The following NGF variants were observed in gnomAD, a reference collection of about 807,000 sequenced individuals.
NGF encodes the protein beta-nerve growth factor.
Under a neutral mutation model 12.8 loss-of-function variants are expected in NGF, and 4 were observed. That is an observed-to-expected ratio of 0.31 (90% CI 0.15 to 0.72). The LOEUF (loss-of-function observed/expected upper bound fraction) is 0.72. Ranked by LOEUF, NGF falls within the 30% of genes least tolerant of loss-of-function variation. The pLI, the probability that NGF is intolerant of heterozygous loss-of-function variation, is 0.69. For missense variants in NGF, 283 were observed against 330.8 expected (o/e 0.86, Z 1.12); for synonymous variants, 140 against 130.0 (o/e 1.08, Z -0.52).
rs1384874552 is a variant in NGF at position 115,286,125 on chromosome 1, C to T, written c.671G>A (p.Arg224Gln). Reference protein sequence around the residue: ...DGKQAAWRFIRIDTACVCVLS... With the variant: ...DGKQAAWRFIQIDTACVCVLS... ...CACACACACACAGGCCGTATCTATC[C>T]GGATAAACCGCCAGGCAGCCTGCTT... The change falls in exon 3 of 3, where the codon CGG becomes CAG. Residue 224 changes from arginine to glutamine, a missense_variant. Around this residue, in one of 2 missense-constraint regions of NGF, gnomAD observed 132 missense variants for 189.2 expected, o/e 0.70. Coordinates refer to ENST00000369512, the MANE Select transcript of NGF (RefSeq NM_002506.3). 2.1e-5 allele frequency: 34 copies of T among 1,613,326 alleles called. No individual in the cohort carries two copies. The highest frequency in any genetic ancestry group is 2.8e-5 in the Non-Finnish European group (33 of 1,179,594).
chr1:115,333,702 TTTCTTTC>T (rs1249282273), intron 1 of NGF, among the ~76,000 whole-genome samples: 1 of 62,742 alleles, frequency 1.6e-5, no homozygotes, highest in Non-Finnish European at 2.7e-5. Flanking sequence ...TCTTTCTTTC[TTTCTTTC>T]TTTCTTTTCT....
At chr1:115,320,130 C>A (rs1242331849) in intron 1 of NGF, among the ~76,000 whole-genome samples, 1 of 152,048 alleles carries the variant, frequency 6.6e-6, no homozygotes, top group Non-Finnish European at 1.5e-5. Flanking sequence ...AAGGACCAGG[C>A]CTTTGGTGGC....
At chr1:115,291,586 G>T (rs1475240654) in intron 2 of NGF, among the ~76,000 whole-genome samples, 3 of 152,128 alleles carry the variant, frequency 2.0e-5, no homozygotes, top group Non-Finnish European at 4.4e-5. Context: ...ACTAAGAGTG[G>T]GGCAGCCCAT....
At chr1:115,327,525 AAACAC>A (rs371913804) in intron 1 of NGF, among the ~76,000 whole-genome samples, 2,268 of 152,380 alleles carry the variant, frequency 0.015, 36 homozygotes, top group Non-Finnish European at 0.02. Context: ...GTGAAAACAC[AAACAC>A]AACACTCTTG....
chr1:115,315,206 A>G (rs1440630527), intron 1 of NGF, among the ~76,000 whole-genome samples: 1 of 152,172 alleles, frequency 6.6e-6, no homozygotes, highest in African/African-American at 2.4e-5. Flanking sequence ...ATGGGAAGCC[A>G]TTAGAAGATT....
chr1:115,292,371 T>C (rs1488465345), intron 2 of NGF, among the ~76,000 whole-genome samples: 1 of 152,198 alleles, frequency 6.6e-6, no homozygotes, highest in Non-Finnish European at 1.5e-5. Context: ...CCTGGAGAGT[T>C]TGTTACACTA....
At chr1:115,331,250 G>T (rs1301099296) in intron 1 of NGF, among the ~76,000 whole-genome samples, 1 of 152,096 alleles carries the variant, frequency 6.6e-6, no homozygotes, top group Non-Finnish European at 1.5e-5. Context: ...AGAAACTGAG[G>T]CTTACAGGGG....
intron 1 of NGF, among the ~76,000 whole-genome samples, chr1:115,316,074 G>A (rs573422854): frequency 4.6e-5 from 7 of 152,292 alleles, no homozygotes; most frequent in African/African-American, 1.2e-4. Context: ...AGGCAATAGC[G>A]GGAGTCAATG....
At chr1:115,296,122 G>A (rs774431283) in intron 1 of NGF, among the ~76,000 whole-genome samples, 18 of 152,168 alleles carry the variant, frequency 1.2e-4, no homozygotes, top group Admixed American at 6.5e-4. Flanking sequence ...GGGTTCTTAA[G>A]GATGAATAGG....
At chr1:115,286,965 T>A (rs566471335) in intron 2 of NGF, among the ~76,000 whole-genome samples, 158 bp from the exon 3 acceptor site, 18 of 152,050 alleles carry the variant, frequency 1.2e-4, no homozygotes, top group Non-Finnish European at 2.5e-4. Flanking sequence ...TAGCAATGGT[T>A]ATACCGGGAC....
At chr1:115,331,130 C>A (rs1393610801) in intron 1 of NGF, among the ~76,000 whole-genome samples, 1 of 152,188 alleles carries the variant, frequency 6.6e-6, no homozygotes, top group African/African-American at 2.4e-5. Flanking sequence ...GCTTACTGGG[C>A]ATTGGCTATA....
chr1:115,335,162 T>C (rs1304609909), intron 1 of NGF, among the ~76,000 whole-genome samples: 1 of 152,240 alleles, frequency 6.6e-6, no homozygotes, highest in Non-Finnish European at 1.5e-5. Flanking sequence ...CTAAACTTTG[T>C]GGCTGAAGGT....
At chr1:115,324,174 T>C (rs1423928117) in intron 1 of NGF, among the ~76,000 whole-genome samples, 2 of 152,166 alleles carry the variant, frequency 1.3e-5, no homozygotes, top group African/African-American at 4.8e-5. Flanking sequence ...GTCATGATTT[T>C]CTAAAACTGA....
chr1:115,337,267 G>GTTTGTTTGTTTTTT lies in NGF; in HGVS notation c.-137+936_-137+937insAAAAAACAAACAAA. Among the ~76,000 whole-genome samples, 19 of 81,026 alleles carry GTTTGTTTGTTTTTT rather than the reference G, an allele frequency of 2.3e-4. 1 individual carries two copies. The highest frequency in any genetic ancestry group is 7.9e-4 in the African/African-American group (15 of 18,890). 53.2% of individuals were successfully genotyped at this position (81,026 alleles called of 152,430 possible). ...TCGAAATTTTTTTTGTTTTGTTTTT[G>GTTTGTTTGTTTTTT]TTTTTTTTTTTTTTTTTTTTTTTTT... On this transcript the variant is annotated intron_variant, in intron 1 of 2. Transcript: ENST00000369512.
At chr1:115,324,411 G>A (rs945447791) in intron 1 of NGF, among the ~76,000 whole-genome samples, 3 of 152,096 alleles carry the variant, frequency 2.0e-5, no homozygotes, top group African/African-American at 4.8e-5. Flanking sequence ...ACCCCAGGAT[G>A]AGCCAACCTA....
intron 1 of NGF, among the ~76,000 whole-genome samples, chr1:115,336,740 G>T (rs975596272): frequency 6.6e-6 from 1 of 152,178 alleles, no homozygotes; most frequent in Non-Finnish European, 1.5e-5. Flanking sequence ...GCACTGCCTC[G>T]AGAAGGGGAA....
intron 1 of NGF, among the ~76,000 whole-genome samples, chr1:115,306,620 G>A (rs1488660598): frequency 6.6e-6 from 1 of 152,106 alleles, no homozygotes; most frequent in Non-Finnish European, 1.5e-5. Flanking sequence ...TTAATATTAG[G>A]AATTATGTTG....
Position 115,286,024 on chromosome 1 carries a change from C to T in NGF, c.*46G>A. On this transcript the variant is annotated 3_prime_UTR_variant, in exon 3 of 3. Transcript: ENST00000369512. ...ATTTACAGGTTGAGGTAGGGAGGGG[C>T]CCAGGAGAGTGTAGAAGGGGCAGGG... 6.2e-7 allele frequency: 1 copy of T among 1,606,050 alleles called. No homozygotes were observed. Among genetic ancestry groups the T allele is most frequent in the Non-Finnish European group, 8.5e-7 (1 of 1,176,058 alleles).
intron 1 of NGF, among the ~76,000 whole-genome samples, chr1:115,305,038 T>C (rs1262669930): frequency 6.6e-6 from 1 of 152,172 alleles, no homozygotes; most frequent in Non-Finnish European, 1.5e-5. Context: ...GTAATAGAAG[T>C]ATTAATAAGG....
Sources: allele counts gnomAD v4.1 joint callset (sites outside exome capture counted in the v4.1 genomes callset), GRCh38; gene constraint gnomAD v4.1.1; regional missense constraint gnomAD v4.1.1; transcripts MANE v1.5; gene names NCBI Gene and HGNC (gene_info 2026-07-23, HGNC 2026-07-21).